Variants in MTERF4 observed in about 807,000 individuals in gnomAD.
MTERF4 encodes mitochondrial transcription termination factor 4.
In MTERF4, 17 loss-of-function variants were observed where a neutral mutation model predicts 22.5. The ratio of observed to expected loss-of-function variants is 0.75; its 90% confidence interval spans 0.52 to 1.13. The LOEUF is 1.13. MTERF4 is among the 50% of genes most tolerant of loss of function. The pLI, the probability that MTERF4 is intolerant of heterozygous loss-of-function variation, is 0.00. For missense variants in MTERF4, 420 were observed against 466.8 expected, an observed-to-expected ratio of 0.90 and a Z score of 0.92; for synonymous variants, 165 against 175.3, an observed-to-expected ratio of 0.94 and a Z score of 0.47.
In MTERF4 at chr2:241,073,795, A is replaced by G. The variant is rs1417994576; in HGVS notation, n.2367T>C. On this transcript the variant is annotated non_coding_transcript_exon_variant, in exon 5 of 5. Transcript: ENST00000464344. This position sits in a 1 kb window ranked among gnomAD's most constrained non-coding sequence, Gnocchi z 6.6. ...CTGGGCGAGCCCCAGCTTGAGGACTAGCTGGGCCCTGTGGACACTCAGGTT... is the reference window on the plus strand; with the variant it reads ...CTGGGCGAGCCCCAGCTTGAGGACTGGCTGGGCCCTGTGGACACTCAGGTT... 6.7e-6 allele frequency: 2 copies of G among 296,950 alleles called. No individual in the cohort carries two copies. Among genetic ancestry groups the G allele is most frequent in the Non-Finnish European group, 1.3e-5 (2 of 159,172 alleles). The allele number at this position is 296,950 out of a possible 1,614,324, so 18.4% of individuals were successfully genotyped here.
downstream of MTERF4, among the ~76,000 whole-genome samples, chr2:241,068,710 G>A (rs567146762): frequency 1.8e-4 from 28 of 152,172 alleles, 1 homozygote; most frequent in Middle Eastern, 3.4e-3. This position sits in a 1 kb window ranked among gnomAD's most constrained non-coding sequence, Gnocchi z 5.3. Context: ...TCCGCTGCCC[G>A]GACTATGGGT....
At chr2:241,100,064 C>T in intron 1 of MTERF4, 170 bp from the exon 2 acceptor site, 1 of 759,992 alleles carries the variant, frequency 1.3e-6, no homozygotes, top group Non-Finnish European at 2.0e-6. Flanking sequence ...GAAGGAAGCT[C>T]ACAAAGAACA....
chr2:241,084,239 C>T (rs1181924300), downstream of MTERF4, among the ~76,000 whole-genome samples: 1 of 150,544 alleles, frequency 6.6e-6, no homozygotes, highest in Non-Finnish European at 1.5e-5. Flanking sequence ...TGGGTTCAAG[C>T]AATTCTCCTG....
At chr2:241,090,566 CAGT>C (rs2063884336), downstream of MTERF4, 1 of 1,227,964 alleles carries the variant, frequency 8.1e-7, no homozygotes, top group Non-Finnish European at 1.1e-6. Flanking sequence ...CAGGGCAGTG[CAGT>C]AGGTTTGTAT....
chr2:241,053,705 G>A, the MTERF4 span, among the ~76,000 whole-genome samples: 1 of 152,126 alleles, frequency 6.6e-6, no homozygotes, highest in Non-Finnish European at 1.5e-5. Flanking sequence ...GAAGACTTGT[G>A]GAATCAGAAC....
intron 4 of MTERF4, among the ~76,000 whole-genome samples, chr2:241,078,730 G>A (rs895693711): frequency 7.2e-5 from 11 of 151,890 alleles, no homozygotes; most frequent in African/African-American, 2.7e-4. Flanking sequence ...ATGGATGCCT[G>A]TATCTGTGAA....
At chr2:241,076,140 T>C (rs1330212126) in intron 4 of MTERF4, among the ~76,000 whole-genome samples, 3 of 152,214 alleles carry the variant, frequency 2.0e-5, no homozygotes, top group African/African-American at 4.8e-5. Context: ...TTCTTCCACA[T>C]ATACACCTTC....
At chr2:241,082,196 C>A, downstream of MTERF4, 4 of 1,179,238 alleles carry the variant, frequency 3.4e-6, no homozygotes, top group Non-Finnish European at 3.7e-6. Context: ...CCCGGGCCCT[C>A]TCCCTTGGGC....
chr2:241,065,648 A>G, the MTERF4 span: 2 of 1,520,198 alleles, frequency 1.3e-6, no homozygotes, highest in African/African-American at 1.4e-5. Flanking sequence ...CCTCGAGGGC[A>G]GCGCTGGCCC....
chr2:241,090,213 T>G, downstream of MTERF4: 1 of 1,478,860 alleles, frequency 6.8e-7, no homozygotes, highest in South Asian at 1.4e-5. Flanking sequence ...AATTTTTAAT[T>G]GTTTTTTACT....
chr2:241,088,720 A>T (rs2063713824), downstream of MTERF4: 1 of 375,552 alleles, frequency 2.7e-6, no homozygotes, highest in Non-Finnish European at 4.8e-6. Context: ...AGTGGGAGGA[A>T]GAGGCAGGGG....
chr2:241,089,826 C>T (rs114709167), downstream of MTERF4, among the ~76,000 whole-genome samples: 961 of 152,396 alleles, frequency 6.3e-3, 7 homozygotes, highest in African/African-American at 0.016. Flanking sequence ...GTACTGCGCA[C>T]CTAGGCTGTG....
At chr2:241,083,153 C>T (rs1423327519), downstream of MTERF4, among the ~76,000 whole-genome samples, 2 of 152,180 alleles carry the variant, frequency 1.3e-5, no homozygotes, top group African/African-American at 2.4e-5. Context: ...CCAGGAGAGC[C>T]TGCTGGGGAT....
At chr2:241,080,839 G>A (rs555822787) in intron 4 of MTERF4, among the ~76,000 whole-genome samples, 4 of 152,252 alleles carry the variant, frequency 2.6e-5, no homozygotes, top group Non-Finnish European at 4.4e-5. Flanking sequence ...TCACGCTGCC[G>A]TGCCTGTGTG....
chr2:241,059,915 C>T, the MTERF4 span, among the ~76,000 whole-genome samples: 11 of 151,766 alleles, frequency 7.2e-5, no homozygotes, highest in African/African-American at 2.7e-4. Flanking sequence ...TGCCAGATGA[C>T]AAGAAAAGGA....
intron 1 of MTERF4, among the ~76,000 whole-genome samples, chr2:241,100,858 G>C (rs1325950808): frequency 1.3e-5 from 2 of 152,160 alleles, no homozygotes; most frequent in African/African-American, 4.8e-5. Context: ...GGGGCGGTCT[G>C]GTGCCCCTAA....
At chr2:241,088,100 T>C (rs1486098817), downstream of MTERF4, 2 of 495,424 alleles carry the variant, frequency 4.0e-6, no homozygotes, top group African/African-American at 3.9e-5. Context: ...GCTTGCTTTC[T>C]CCCACGTCCA....
At chr2:241,078,480 G>A (rs1251106575) in intron 4 of MTERF4, among the ~76,000 whole-genome samples, 3 of 151,814 alleles carry the variant, frequency 2.0e-5, no homozygotes, top group African/African-American at 7.3e-5. Context: ...AAGGACGCAT[G>A]CTGCATGCTA....
At position 241,096,443 on chromosome 2, in the gene MTERF4, A is replaced by C; in HGVS notation, c.706-5T>G. The C allele has an allele frequency of 6.2e-7, 1 of 1,613,674 alleles. No homozygotes were observed. The highest frequency in any genetic ancestry group is 1.1e-5 in the South Asian group (1 of 91,080). On this transcript the variant is annotated splice_polypyrimidine_tract_variant and splice_region_variant and intron_variant, in intron 3 of 3. Coordinates refer to ENST00000391980, the MANE Select transcript of MTERF4 (RefSeq NM_182501.4). This position sits in a 1 kb window ranked among gnomAD's most constrained non-coding sequence, Gnocchi z 5.1. The stretch of plus-strand genomic sequence containing the variant: ...TCCCATCCTGAAGTATGCATACTGG[A>C]AGACACAAACACACTTAGGAGTCCC...
Sources: gnomAD v4.1 joint callset for allele counts (sites outside exome capture counted in the v4.1 genomes callset) on GRCh38, gnomAD v4.1.1 for gene constraint, Gnocchi (gnomAD v3.1) non-coding constraint, MANE v1.5 for transcripts, NCBI Gene and HGNC (gene_info 2026-07-23, HGNC 2026-07-21) for gene names.